Variants in WDPCP observed in about 807,000 individuals in gnomAD.
WDPCP encodes WD repeat-containing and planar cell polarity effector protein fritz homolog.
A neutral mutation model predicts 93.1 loss-of-function variants in WDPCP; 71 were observed. The observed-to-expected ratio is 0.76, with a 90% CI of 0.63 to 0.93. WDPCP has a LOEUF of 0.93. WDPCP is among the 40% of genes least tolerant of loss of function. The pLI, the probability that WDPCP is intolerant of heterozygous loss-of-function variation, is 0.00. For synonymous variants in WDPCP, 315 were observed against 315.0 expected (o/e 1.00, Z 0.00); for missense variants, 844 against 887.4 (o/e 0.95, Z 0.62).
intron 1 of WDPCP, among the ~76,000 whole-genome samples, chr2:63,517,285 T>C (rs937546553): frequency 6.6e-6 from 1 of 152,052 alleles, no homozygotes; most frequent in African/African-American, 2.4e-5. Flanking sequence ...TTTAAATATA[T>C]GAATTAGATC....
At chr2:63,553,836 T>C (rs1360606824) in intron 1 of WDPCP, among the ~76,000 whole-genome samples, 3 of 152,190 alleles carry the variant, frequency 2.0e-5, no homozygotes, top group Non-Finnish European at 4.4e-5. Context: ...ACATTTTACC[T>C]CATTCAATTT....
chr2:63,322,598 C>T (rs893092059), intron 12 of WDPCP, among the ~76,000 whole-genome samples: 4 of 152,036 alleles, frequency 2.6e-5, no homozygotes, highest in Non-Finnish European at 5.9e-5. Context: ...CTGAAGTCAG[C>T]GAGACCATGA....
chr2:63,642,978 T>C (rs1435139411), intron 3 of WDPCP: 2 of 152,754 alleles, frequency 1.3e-5, no homozygotes, highest in Non-Finnish European at 2.9e-5. Flanking sequence ...GCTTCTATTA[T>C]GTTGAGGTTA....
chr2:63,229,389 T>C (rs1678617888), intron 14 of WDPCP: 1 of 152,216 alleles, frequency 6.6e-6, no homozygotes, highest in African/African-American at 2.4e-5. Context: ...AGGTTGCCTG[T>C]CCACTCTGAT....
At chr2:63,257,756 G>A (rs1365605984) in intron 14 of WDPCP, among the ~76,000 whole-genome samples, 1 of 152,158 alleles carries the variant, frequency 6.6e-6, no homozygotes, top group Admixed American at 6.6e-5. Context: ...GAATTGGGGA[G>A]TTTCTTCATT....
At chr2:63,674,492 A>C (rs962599093) in intron 2 of WDPCP, among the ~76,000 whole-genome samples, 1 of 152,220 alleles carries the variant, frequency 6.6e-6, no homozygotes, top group African/African-American at 2.4e-5. Flanking sequence ...AGGTATCTAA[A>C]ATAGTCAGAC....
intron 6 of WDPCP, among the ~76,000 whole-genome samples, chr2:63,471,564 T>C (rs927306321): frequency 1.3e-5 from 2 of 152,252 alleles, no homozygotes; most frequent in Non-Finnish European, 2.9e-5. Context: ...TTTCTTGATT[T>C]AGTCATTACT....
At chr2:63,758,382 G>C (rs1670000433) in intron 2 of WDPCP, among the ~76,000 whole-genome samples, 2 of 152,086 alleles carry the variant, frequency 1.3e-5, no homozygotes. Context: ...TGACTGCTTA[G>C]CTTTTAATTT....
chr2:63,408,788 C>T (rs1694798679), intron 9 of WDPCP, among the ~76,000 whole-genome samples: 1 of 152,048 alleles, frequency 6.6e-6, no homozygotes, highest in African/African-American at 2.4e-5. Flanking sequence ...TCCCCGACTT[C>T]CCTGACAACC....
At chr2:63,166,125 G>A (rs1421689424) in intron 15 of WDPCP, among the ~76,000 whole-genome samples, 2 of 151,956 alleles carry the variant, frequency 1.3e-5, no homozygotes, top group African/African-American at 4.8e-5. Flanking sequence ...GGAGTGCAAT[G>A]ACGCAGTCTA....
At chr2:63,322,275 T>G (rs1386587052) in intron 12 of WDPCP, among the ~76,000 whole-genome samples, 6 of 152,118 alleles carry the variant, frequency 3.9e-5, no homozygotes, top group African/African-American at 1.4e-4. Flanking sequence ...CTCTGTAAAA[T>G]GGACCAATCA....
chr2:63,381,327 A>G (rs1340288058), intron 11 of WDPCP, among the ~76,000 whole-genome samples: 3 of 152,082 alleles, frequency 2.0e-5, no homozygotes, highest in South Asian at 4.1e-4. Flanking sequence ...TCTTAGATAT[A>G]TATCAACAAA....
chr2:63,472,799 A>T (rs961030448), intron 6 of WDPCP, among the ~76,000 whole-genome samples: 2 of 152,174 alleles, frequency 1.3e-5, no homozygotes, highest in African/African-American at 4.8e-5. Flanking sequence ...ACCTCAGGTG[A>T]TCCACCCACC....
intron 2 of WDPCP, among the ~76,000 whole-genome samples, chr2:63,744,907 T>C: frequency 6.6e-6 from 1 of 152,248 alleles, no homozygotes; most frequent in East Asian, 1.9e-4. Flanking sequence ...TCAGATTAAA[T>C]ATATACCCAC....
intron 14 of WDPCP, among the ~76,000 whole-genome samples, chr2:63,234,785 C>T (rs1679238782): frequency 6.6e-6 from 1 of 152,098 alleles, no homozygotes; most frequent in Non-Finnish European, 1.5e-5. Context: ...CAAGCGTACT[C>T]ATGGTTTTTG....
intron 13 of WDPCP, among the ~76,000 whole-genome samples, chr2:63,270,538 A>G (rs893905333): frequency 6.6e-6 from 1 of 152,172 alleles, no homozygotes; most frequent in African/African-American, 2.4e-5. Context: ...CACCTCCACA[A>G]AGAAGGACCA....
intron 2 of WDPCP, among the ~76,000 whole-genome samples, chr2:63,699,528 C>T (rs1247063166): frequency 6.6e-6 from 1 of 152,164 alleles, no homozygotes; most frequent in East Asian, 1.9e-4. Context: ...TTTTGAGGCG[C>T]TGGCCTTTGA....
intron 15 of WDPCP, among the ~76,000 whole-genome samples, chr2:63,161,494 C>T (rs1270464922): frequency 6.6e-6 from 1 of 152,084 alleles, no homozygotes; most frequent in East Asian, 1.9e-4. Flanking sequence ...TCTGCAATGG[C>T]AATATTTCAT....
intron 13 of WDPCP, among the ~76,000 whole-genome samples, chr2:63,297,735 A>T (rs1042146334): frequency 1.3e-5 from 2 of 152,130 alleles, no homozygotes; most frequent in Admixed American, 6.5e-5. Flanking sequence ...GGTAGACCTA[A>T]ATACTGGTAT....
Sources: gnomAD v4.1 joint callset for allele counts (sites outside exome capture counted in the v4.1 genomes callset) on GRCh38, gnomAD v4.1.1 for gene constraint, MANE v1.5 for transcripts, NCBI Gene and HGNC (gene_info 2026-07-23, HGNC 2026-07-21) for gene names.